ZNF521: variants seen among roughly 807,000 people sequenced by gnomAD.
The protein encoded by ZNF521 is zinc finger protein 521, also known as LYST-interacting protein 3.
In ZNF521, 14 loss-of-function variants were observed where a neutral mutation model predicts 105.5. That is an observed-to-expected ratio of 0.13 (90% CI 0.09 to 0.21). The LOEUF (loss-of-function observed/expected upper bound fraction) is 0.21. Among genes scored for constraint, ZNF521 ranks in the 10% least tolerant of loss-of-function variants. The pLI, the probability that ZNF521 is intolerant of heterozygous loss-of-function variation, is 1.00. For missense variants in ZNF521, 1,233 were observed against 1,629.7 expected, an observed-to-expected ratio of 0.76 and a Z score of 4.19; for synonymous variants, 635 against 606.0, an observed-to-expected ratio of 1.05 and a Z score of -0.70.
At chr18:25,297,918 ATTGAG>A (rs1555660059) in intron 3 of ZNF521, among the ~76,000 whole-genome samples, 1 of 152,074 alleles carries the variant, frequency 6.6e-6, no homozygotes, top group Non-Finnish European at 1.5e-5. Flanking sequence ...AGACTTTTTG[ATTGAG>A]TTATTAATAG....
intron 2 of ZNF521, among the ~76,000 whole-genome samples, chr18:25,333,655 G>A (rs972331655): frequency 5.3e-5 from 8 of 152,058 alleles, no homozygotes; most frequent in African/African-American, 1.9e-4. Flanking sequence ...CAGTCCTTGG[G>A]ACAACCTATC....
In ZNF521 at chr18:25,062,625, A is replaced by G; in HGVS notation, c.*87T>C. On this transcript the variant is annotated 3_prime_UTR_variant, in exon 8 of 8. Transcript: ENST00000361524. ...AATACAATGTTTCTGAATAATATAC[A>G]TTAACAATGAAAGTTTCGTGCAAAG... The G allele has an allele frequency of 1.4e-6, 2 of 1,462,652 alleles. No homozygotes were observed. The highest frequency in any genetic ancestry group is 1.9e-6 in the Non-Finnish European group (2 of 1,065,024). The allele number at this position is 1,462,652 out of a possible 1,614,324, so 90.6% of individuals were successfully genotyped here. A position where few individuals can be genotyped will look rare whatever the true frequency, so the allele number is the denominator to read the frequency against.
intron 3 of ZNF521, among the ~76,000 whole-genome samples, chr18:25,273,220 CAAAAAAAAAAAAAAAAAAAAAAAAA>C (rs67381140): frequency 9.8e-5 from 4 of 40,886 alleles, no homozygotes; most frequent in Non-Finnish European, 1.7e-4. Flanking sequence ...ACCCTGTCTC[CAAAAAAAAAAAAAAAAAAAAAAAAA>C]AAAAAAGACA....
intron 3 of ZNF521, among the ~76,000 whole-genome samples, chr18:25,250,308 T>C (rs895049997): frequency 2.0e-5 from 3 of 152,238 alleles, no homozygotes; most frequent in African/African-American, 7.2e-5. Flanking sequence ...TGTCTGGGAC[T>C]GGGTGGCTAA....
At chr18:25,278,764 T>C (rs886283737) in intron 3 of ZNF521, among the ~76,000 whole-genome samples, 2 of 152,134 alleles carry the variant, frequency 1.3e-5, no homozygotes, top group Non-Finnish European at 2.9e-5. Context: ...TCTCTCTTTC[T>C]CCACTTTTAA....
intron 2 of ZNF521, among the ~76,000 whole-genome samples, chr18:25,339,390 C>A (rs113386312): frequency 6.6e-6 from 1 of 152,184 alleles, no homozygotes; most frequent in Non-Finnish European, 1.5e-5. Flanking sequence ...TGCTTGAAAG[C>A]GCTTCCTCCA....
intron 5 of ZNF521, among the ~76,000 whole-genome samples, chr18:25,191,614 A>G (rs1203815595): frequency 1.3e-5 from 2 of 152,202 alleles, no homozygotes; most frequent in African/African-American, 4.8e-5. Context: ...AGAGGCTGGT[A>G]ATTATTGGTC....
chr18:25,086,803 G>T (rs2033633577), intron 7 of ZNF521, among the ~76,000 whole-genome samples: 1 of 152,128 alleles, frequency 6.6e-6, no homozygotes, highest in African/African-American at 2.4e-5. Context: ...GAGCGAGTCA[G>T]AAATGTTTTG....
chr18:25,133,101 G>T (rs1315371289), intron 5 of ZNF521, among the ~76,000 whole-genome samples: 1 of 152,202 alleles, frequency 6.6e-6, no homozygotes, highest in Admixed American at 6.5e-5. Flanking sequence ...AGTGGACACA[G>T]TACCTACAAT....
chr18:25,349,773 G>C (rs1226811603), intron 2 of ZNF521, among the ~76,000 whole-genome samples: 2 of 150,454 alleles, frequency 1.3e-5, no homozygotes, highest in Non-Finnish European at 3.0e-5. Flanking sequence ...CGCGGACCTC[G>C]GCGGGACCCA....
At chr18:25,296,856 G>A (rs1911346286) in intron 3 of ZNF521, among the ~76,000 whole-genome samples, 1 of 152,034 alleles carries the variant, frequency 6.6e-6, no homozygotes, top group African/African-American at 2.4e-5. Context: ...ATGCTCCTAA[G>A]AAACAGGAAA....
At chr18:25,308,241 C>A (rs1277575783) in intron 3 of ZNF521, among the ~76,000 whole-genome samples, 1 of 150,010 alleles carries the variant, frequency 6.7e-6, no homozygotes, top group Non-Finnish European at 1.5e-5. Context: ...CCAGCCCCAT[C>A]CAGGCCACCA....
intron 5 of ZNF521, among the ~76,000 whole-genome samples, chr18:25,181,526 T>G (rs921665224): frequency 2.0e-5 from 3 of 152,148 alleles, no homozygotes; most frequent in Non-Finnish European, 4.4e-5. Context: ...GGACACAATG[T>G]TCATAGGAAA....
Position 25,164,750 on chromosome 18 carries a change from C to A in ZNF521, c.3658+30410G>T, listed in dbSNP as rs2035308177. 2.0e-5 allele frequency among the ~76,000 whole-genome samples: 3 copies of A among 152,266 alleles called. No homozygotes were observed. In the South Asian group the frequency reaches 6.2e-4, roughly 32 times the overall value. On this transcript the variant is annotated intron_variant, in intron 5 of 7. Coordinates refer to ENST00000361524, the MANE Select transcript of ZNF521 (RefSeq NM_015461.3). ...TCACACTGCTGCCCCTCCCTGGGCA[C>A]CCCCAGGAGGGGGGCACTCAATTCA...
intron 5 of ZNF521, among the ~76,000 whole-genome samples, chr18:25,162,157 G>T (rs1006033897): frequency 2.4e-4 from 37 of 152,074 alleles, no homozygotes; most frequent in African/African-American, 8.7e-4. Context: ...CAATGACTGT[G>T]TTCCAACCTG....
intron 3 of ZNF521, among the ~76,000 whole-genome samples, chr18:25,288,900 T>A (rs1166905854): frequency 6.6e-6 from 1 of 152,340 alleles, no homozygotes; most frequent in East Asian, 1.9e-4. Flanking sequence ...TCCAAACACT[T>A]TGGTCATGAG....
chr18:25,114,544 GT>G (rs1320660237), intron 5 of ZNF521, among the ~76,000 whole-genome samples: 1 of 152,162 alleles, frequency 6.6e-6, no homozygotes, highest in Non-Finnish European at 1.5e-5. Flanking sequence ...GGATAAATAA[GT>G]ATTTCACTCA....
At chr18:25,190,239 A>G (rs377103326) in intron 5 of ZNF521, among the ~76,000 whole-genome samples, 18 of 152,122 alleles carry the variant, frequency 1.2e-4, no homozygotes, top group African/African-American at 4.4e-4. Context: ...TTTGTAAGCA[A>G]TCAAATAAGG....
At chr18:25,233,714 G>T (rs1046802366) in intron 3 of ZNF521, among the ~76,000 whole-genome samples, 1 of 144,792 alleles carries the variant, frequency 6.9e-6, no homozygotes, top group South Asian at 2.2e-4. Context: ...AAAGAGGCTC[G>T]CTTTCCCCCA....
Sources: gnomAD v4.1 joint callset for allele counts (sites outside exome capture counted in the v4.1 genomes callset) on GRCh38, gnomAD v4.1.1 for gene constraint, MANE v1.5 for transcripts, NCBI Gene and HGNC (gene_info 2026-07-23, HGNC 2026-07-21) for gene names.